Variants in GLG1 observed in about 807,000 individuals in gnomAD.
GLG1 encodes golgi glycoprotein 1.
Under a neutral mutation model 160.5 loss-of-function variants are expected in GLG1, and 38 were observed. That is an observed-to-expected ratio of 0.24 (90% confidence interval 0.18 to 0.31). The LOEUF (loss-of-function observed/expected upper bound fraction) is 0.31. GLG1 is among the 10% of genes least tolerant of loss of function. GLG1 has a pLI of 1.00. For missense variants in GLG1, 1,373 were observed against 1,505.2 expected, an observed-to-expected ratio of 0.91 and a Z score of 1.45; for synonymous variants, 644 against 543.4, an observed-to-expected ratio of 1.19 and a Z score of -2.57.
At chr16:74,459,623 GGAA>G (rs1405857782) in intron 23 of GLG1, 56 bp downstream of exon 23, 8 of 876,700 alleles carry the variant, frequency 9.1e-6, no homozygotes, top group South Asian at 9.1e-5. Context: ...AGCATTAAAA[GGAA>G]GAAGAGAAAA....
intron 10 of GLG1, among the ~76,000 whole-genome samples, chr16:74,481,226 G>T (rs1305866533): frequency 1.3e-5 from 2 of 152,140 alleles, no homozygotes; most frequent in Admixed American, 6.6e-5. Flanking sequence ...AGGTAAGGTG[G>T]TTATCTTTTT....
intron 1 of GLG1, among the ~76,000 whole-genome samples, chr16:74,545,078 C>A (rs1466620764): frequency 6.6e-6 from 1 of 152,182 alleles, no homozygotes; most frequent in Admixed American, 6.5e-5. Flanking sequence ...GTTTAAATTA[C>A]ATCAATCACA....
At chr16:74,471,328 T>C in intron 14 of GLG1, 42 bp from the exon 15 acceptor site, 2 of 1,108,260 alleles carry the variant, frequency 1.8e-6, no homozygotes, top group Non-Finnish European at 2.8e-6. Context: ...TGGTAACAAT[T>C]AATGAACAAA....
chr16:74,498,453 T>TATATATATATATATATATAC (rs1477521498), intron 4 of GLG1, among the ~76,000 whole-genome samples: 1 of 90,674 alleles, frequency 1.1e-5, no homozygotes, highest in Non-Finnish European at 2.2e-5. Flanking sequence ...AAAAAGTATA[T>TATATATATATATATATATAC]ATATATATAT....
chr16:74,452,071 T>C lies in GLG1; in HGVS notation c.*1096A>G. The C allele has an allele frequency of 6.2e-7, 1 of 1,612,950 alleles. No homozygotes were observed. Among genetic ancestry groups the C allele is most frequent in the Non-Finnish European group, 8.5e-7 (1 of 1,178,860 alleles). On this transcript the variant is annotated 3_prime_UTR_variant, in exon 26 of 26. Coordinates refer to ENST00000422840, the MANE Select transcript of GLG1 (RefSeq NM_001145667.2). ...TGCAGAAAGGTCAGGCTGGACTGCC[T>C]GTCACATCCTGAGACCACACTAAAC...
At chr16:74,461,869 T>G (rs2014811023) in intron 22 of GLG1, 2 of 453,676 alleles carry the variant, frequency 4.4e-6, no homozygotes, top group Non-Finnish European at 7.8e-6. Context: ...AAGAACACCC[T>G]TGTTCAACAG....
In GLG1 at chr16:74,607,085, A is replaced by C. The variant is rs371279250; in HGVS notation, c.10T>G (p.Cys4Gly). The C allele has an allele frequency of 2.1e-5, 32 of 1,551,230 alleles. No individual in the cohort carries two copies. The South Asian group carries it at 2.8e-4, about 14-fold the overall frequency. The change falls in exon 1 of 26, where the codon TGT (cysteine) becomes GGT (glycine). Residue 4 changes from cysteine to glycine, a missense_variant. Coordinates refer to ENST00000422840, the MANE Select transcript of GLG1 (RefSeq NM_001145667.2). ...CGGAACATCCTCCGTACACGTCCACACGCCGCCATCTTGAGTCCGCGGCGA... is the reference window on the plus strand; with the variant it reads ...CGGAACATCCTCCGTACACGTCCACCCGCCGCCATCTTGAGTCCGCGGCGA... MAA[C>G]GRVRRMFRLS...
chr16:74,598,570 A>G (rs561955768), intron 1 of GLG1, among the ~76,000 whole-genome samples: 35 of 150,248 alleles, frequency 2.3e-4, no homozygotes, highest in South Asian at 1.1e-3. Context: ...ATGATAGCCT[A>G]TAAGCCATTT....
intron 1 of GLG1, among the ~76,000 whole-genome samples, chr16:74,583,394 G>C (rs1287954054): frequency 6.6e-6 from 1 of 152,000 alleles, no homozygotes; most frequent in African/African-American, 2.4e-5. Flanking sequence ...TTTTTGGGGG[G>C]TTGGGCGCAG....
At chr16:74,497,435 T>A (rs976654693) in intron 4 of GLG1, among the ~76,000 whole-genome samples, 1 of 95,786 alleles carries the variant, frequency 1.0e-5, no homozygotes, top group African/African-American at 3.8e-5. Flanking sequence ...CAGTGCTTGC[T>A]TTTTTTTTTT....
At chr16:74,553,541 C>T (rs1303131811) in intron 1 of GLG1, among the ~76,000 whole-genome samples, 5 of 141,428 alleles carry the variant, frequency 3.5e-5, no homozygotes, top group Admixed American at 2.3e-4. Context: ...GGCACGATCT[C>T]GGCTCACTGC....
chr16:74,532,917 T>C (rs1465286801), intron 1 of GLG1, among the ~76,000 whole-genome samples: 1 of 152,192 alleles, frequency 6.6e-6, no homozygotes, highest in Non-Finnish European at 1.5e-5. Context: ...TTTTTGAAAC[T>C]TCCTGTGAGT....
At chr16:74,536,603 G>GT (rs2017694265) in intron 1 of GLG1, among the ~76,000 whole-genome samples, 1 of 152,212 alleles carries the variant, frequency 6.6e-6, no homozygotes, top group African/African-American at 2.4e-5. Context: ...AAGGAGTGGA[G>GT]TGATTCCTCA....
At chr16:74,573,640 C>T (rs1263037424) in intron 1 of GLG1, among the ~76,000 whole-genome samples, 3 of 138,788 alleles carry the variant, frequency 2.2e-5, no homozygotes, top group Non-Finnish European at 3.1e-5. Flanking sequence ...TGCCCAGGCT[C>T]GACCTCCTGG....
At chr16:74,550,768 T>A in intron 1 of GLG1, among the ~76,000 whole-genome samples, 1 of 152,332 alleles carries the variant, frequency 6.6e-6, no homozygotes, top group Non-Finnish European at 1.5e-5. Flanking sequence ...ATGAAATCTT[T>A]TTTTAGTGAT....
At chr16:74,534,923 A>G (rs557643773) in intron 1 of GLG1, among the ~76,000 whole-genome samples, 1 of 152,326 alleles carries the variant, frequency 6.6e-6, no homozygotes, top group Admixed American at 6.5e-5. Context: ...TAGGCCACTG[A>G]CATGCTCAGG....
intron 1 of GLG1, among the ~76,000 whole-genome samples, chr16:74,587,147 C>A (rs1385307262): frequency 6.6e-6 from 1 of 152,086 alleles, no homozygotes; most frequent in Non-Finnish European, 1.5e-5. Context: ...GAACGAGACA[C>A]AATATATGAC....
chr16:74,551,654 T>C (rs1344198645), intron 1 of GLG1, among the ~76,000 whole-genome samples: 1 of 150,668 alleles, frequency 6.6e-6, no homozygotes, highest in Non-Finnish European at 1.5e-5. Context: ...CTTTAAAGTG[T>C]CAGTTGGCTA....
chr16:74,457,255 G>C (rs1221413432), intron 24 of GLG1, among the ~76,000 whole-genome samples: 1 of 152,128 alleles, frequency 6.6e-6, no homozygotes, highest in Non-Finnish European at 1.5e-5. Context: ...AAATGAGCCA[G>C]GCATGGTGGT....
Sources: allele counts gnomAD v4.1 joint callset (sites outside exome capture counted in the v4.1 genomes callset), GRCh38; gene constraint gnomAD v4.1.1; transcripts MANE v1.5; gene names NCBI Gene and HGNC (gene_info 2026-07-23, HGNC 2026-07-21).